The following PIK3CB variants were observed in gnomAD, a reference collection of about 807,000 sequenced individuals.
PIK3CB encodes phosphatidylinositol-4,5-bisphosphate 3-kinase catalytic subunit beta.
Under a neutral mutation model 136.8 loss-of-function variants are expected in PIK3CB, and 39 were observed. The observed-to-expected ratio is 0.29, with a 90% CI of 0.22 to 0.37. The LOEUF (loss-of-function observed/expected upper bound fraction) is 0.37. Ranked by LOEUF, PIK3CB falls within the 10% of genes least tolerant of loss-of-function variation. The pLI is 1.00. For synonymous variants in PIK3CB, 428 were observed against 436.6 expected (o/e 0.98, Z 0.25); for missense variants, 868 against 1,275.4 (o/e 0.68, Z 4.87).
chr3:138,777,968 G>T (rs367058), intron 2 of PIK3CB: 182,729 of 371,582 alleles, frequency 0.49, 48,509 homozygotes, highest in Admixed American at 0.66. Flanking sequence ...TATGTTCCAT[G>T]ATGATTCTAC....
At chr3:138,768,734 G>T (rs1171247101) in intron 2 of PIK3CB, among the ~76,000 whole-genome samples, 2 of 152,184 alleles carry the variant, frequency 1.3e-5, no homozygotes, top group Non-Finnish European at 2.9e-5. Flanking sequence ...AAATCTGGAG[G>T]GGGCCAAGGT....
intron 2 of PIK3CB, among the ~76,000 whole-genome samples, chr3:138,767,257 A>G (rs1056379989): frequency 6.6e-6 from 1 of 152,224 alleles, no homozygotes; most frequent in Non-Finnish European, 1.5e-5. Context: ...TCATGTTTAT[A>G]TAAGACTTTT....
At position 138,714,722 on chromosome 3, in the gene PIK3CB, G is replaced by C; in HGVS notation, c.1051-3C>G. On this transcript the variant is annotated splice_polypyrimidine_tract_variant and splice_region_variant and intron_variant, in intron 8 of 23. Transcript: ENST00000674063. ...AAAAGACCAGCCCTGACATGAACCTGTAACGAAGCAGACAAAAACAAAAAC... is the reference window on the plus strand; with the variant it reads ...AAAAGACCAGCCCTGACATGAACCTCTAACGAAGCAGACAAAAACAAAAAC... 6.3e-7 allele frequency: 1 copy of C among 1,584,112 alleles called. No homozygotes were observed. Among genetic ancestry groups the C allele is most frequent in the Non-Finnish European group, 8.6e-7 (1 of 1,168,832 alleles).
chr3:138,785,510 A>G (rs1241782386), intron 2 of PIK3CB, among the ~76,000 whole-genome samples: 1 of 152,126 alleles, frequency 6.6e-6, no homozygotes, highest in Non-Finnish European at 1.5e-5. Context: ...TTAATCTATA[A>G]CCTTACCCCC....
rs1020880303 is a variant in PIK3CB at position 138,682,163 on chromosome 3, T to A, written c.2426-118A>T. ...ATTAACAAACTCTGTGCTAATATTT[T>A]CACTAATTTTATAACAAATATTACA... On this transcript the variant is annotated intron_variant, in intron 18 of 23. Coordinates refer to ENST00000674063, the MANE Select transcript of PIK3CB (RefSeq NM_006219.3). 5.0e-6 allele frequency: 3 copies of A among 605,078 alleles called. No individual in the cohort carries two copies. In the African/African-American group the frequency reaches 5.7e-5, roughly 12 times the overall value. 37.5% of individuals were successfully genotyped at this position (605,078 alleles called of 1,614,324 possible). A position where few individuals can be genotyped will look rare whatever the true frequency, so the allele number is the denominator to read the frequency against.
At chr3:138,747,100 A>G (rs1442964193) in intron 4 of PIK3CB, among the ~76,000 whole-genome samples, 1 of 83,860 alleles carries the variant, frequency 1.2e-5, no homozygotes, top group Non-Finnish European at 2.3e-5. Context: ...ATATATATAT[A>G]TATATATATA....
chr3:138,742,703 T>A lies in PIK3CB; in HGVS notation c.476A>T (p.Lys159Ile). 1 of 1,613,628 alleles carries A rather than the reference T, an allele frequency of 6.2e-7. No individual in the cohort carries two copies. The highest frequency in any genetic ancestry group is 8.5e-7 in the Non-Finnish European group (1 of 1,179,728). ...AGACAATCCCACAAGTGACAGGATT[T>A]TTTCCTCGCTGAATTTGCGCATTTT... ...RRKMRKFSEE[K>I]ILSLVGLSWM... Residue 159 changes from lysine (K) to isoleucine (I), a missense_variant, in exon 5 of 24, where the codon AAA (lysine) becomes ATA (isoleucine). By Grantham distance (102) the Lys-to-Ile change is moderately radical. Coordinates refer to ENST00000674063, the MANE Select transcript of PIK3CB (RefSeq NM_006219.3).
intron 12 of PIK3CB, among the ~76,000 whole-genome samples, chr3:138,703,625 G>C (rs1001442772): frequency 6.6e-5 from 10 of 151,894 alleles, no homozygotes; most frequent in Middle Eastern, 3.5e-3. Context: ...TATAGATATA[G>C]ATATATAGAT....
rs551945798 is a variant in PIK3CB, at chr3:138,742,071, G to C, written c.621+487C>G. 7.9e-5 allele frequency among the ~76,000 whole-genome samples: 12 copies of C among 152,168 alleles called. 1 individual carries two copies. The highest frequency in any genetic ancestry group is 7.9e-4 in the Admixed American group (12 of 15,278). On this transcript the variant is annotated intron_variant, in intron 5 of 23. Transcript: ENST00000674063. ...GGAAACAAAGAGACCATTTTGATTAGGCTTTCATTTCTACCGATGGGGGAG... is the reference window on the plus strand; with the variant it reads ...GGAAACAAAGAGACCATTTTGATTACGCTTTCATTTCTACCGATGGGGGAG...
chr3:138,751,489 C>T (rs1178371570), intron 4 of PIK3CB, among the ~76,000 whole-genome samples: 5 of 151,416 alleles, frequency 3.3e-5, no homozygotes, highest in Non-Finnish European at 7.4e-5. Flanking sequence ...TCAAAAATAA[C>T]GAACACTTTA....
At chr3:138,705,163 A>C (rs1268718557) in intron 11 of PIK3CB, among the ~76,000 whole-genome samples, 15 of 106,860 alleles carry the variant, frequency 1.4e-4, no homozygotes, top group Non-Finnish European at 2.2e-4. Context: ...GGCAAAAAAA[A>C]AAAAAAAAAA....
chr3:138,689,004 T>C (rs1164842549), intron 15 of PIK3CB, 30 bp from the exon 16 acceptor site: 10 of 1,367,218 alleles, frequency 7.3e-6, no homozygotes, highest in South Asian at 1.2e-5. Flanking sequence ...TCTGAACAGT[T>C]TGTTTATCAA....
intron 22 of PIK3CB, chr3:138,657,289 TG>T (rs2043208176): frequency 6.2e-6 from 1 of 161,710 alleles, no homozygotes; most frequent in African/African-American, 2.4e-5. Flanking sequence ...GTATTATGCT[TG>T]GGAACATGTA....
chr3:138,679,916 G>A (rs1461470004), intron 19 of PIK3CB, among the ~76,000 whole-genome samples: 1 of 99,478 alleles, frequency 1.0e-5, no homozygotes, highest in African/African-American at 3.8e-5. Flanking sequence ...TAAAAAATGA[G>A]AACAGAATAA....
chr3:138,745,455 A>T (rs1308102281), intron 4 of PIK3CB, among the ~76,000 whole-genome samples: 1 of 152,102 alleles, frequency 6.6e-6, no homozygotes, highest in African/African-American at 2.4e-5. Flanking sequence ...CAACATGGGG[A>T]AACCCCATCT....
At chr3:138,729,167 G>C (rs1228346606) in intron 8 of PIK3CB, among the ~76,000 whole-genome samples, 1 of 151,834 alleles carries the variant, frequency 6.6e-6, no homozygotes, top group African/African-American at 2.4e-5. Context: ...TATAATTCCA[G>C]CTACACCGGA....
At chr3:138,760,284 G>A (rs1033794629) in intron 2 of PIK3CB, among the ~76,000 whole-genome samples, 5 of 151,908 alleles carry the variant, frequency 3.3e-5, no homozygotes, top group African/African-American at 9.7e-5. Context: ...ACACCAAATC[G>A]CTCAATACAG....
intron 2 of PIK3CB, among the ~76,000 whole-genome samples, chr3:138,777,085 G>T (rs2045867749): frequency 6.6e-6 from 1 of 152,142 alleles, no homozygotes; most frequent in Admixed American, 6.6e-5. Flanking sequence ...ACCTACTGGT[G>T]CTGCCTGCCA....
chr3:138,659,474 G>A (rs944767519), intron 21 of PIK3CB, among the ~76,000 whole-genome samples: 31 of 151,218 alleles, frequency 2.1e-4, no homozygotes, highest in Non-Finnish European at 4.3e-4. Context: ...CCGGGATCAC[G>A]CCACTGCACT....
Sources: gnomAD v4.1 joint callset for allele counts (sites outside exome capture counted in the v4.1 genomes callset) on GRCh38, gnomAD v4.1.1 for gene constraint, MANE v1.5 for transcripts, NCBI Gene and HGNC (gene_info 2026-07-23, HGNC 2026-07-21) for gene names.